GM2A: variants seen among roughly 807,000 people sequenced by gnomAD.
The protein encoded by GM2A is GM2 ganglioside activator.
In GM2A, 7 loss-of-function variants were observed where a neutral mutation model predicts 12.9. That is an observed-to-expected ratio of 0.54 (90% CI 0.31 to 1.02). The LOEUF (loss-of-function observed/expected upper bound fraction) is 1.02. Ranked by LOEUF, GM2A falls within the 50% of genes least tolerant of loss-of-function variation. The pLI, the probability that GM2A is intolerant of heterozygous loss-of-function variation, is 0.05. For synonymous variants in GM2A, 101 were observed against 96.0 expected (o/e 1.05, Z -0.30); for missense variants, 246 against 241.0 (o/e 1.02, Z -0.14).
intron 1 of GM2A, among the ~76,000 whole-genome samples, chr5:151,254,491 G>T (rs1753647182): frequency 6.6e-6 from 1 of 152,194 alleles, no homozygotes; most frequent in African/African-American, 2.4e-5. Context: ...GGGACTGCAG[G>T]TGTGGGCCAC....
At chr5:151,256,730 A>C (rs1241989776) in intron 1 of GM2A, among the ~76,000 whole-genome samples, 2 of 152,148 alleles carry the variant, frequency 1.3e-5, no homozygotes, top group Non-Finnish European at 2.9e-5. Flanking sequence ...CAACATTAGT[A>C]CATTACTGTT....
At chr5:151,254,029 C>G (rs1753638940) in intron 1 of GM2A, among the ~76,000 whole-genome samples, 1 of 152,136 alleles carries the variant, frequency 6.6e-6, no homozygotes, top group Non-Finnish European at 1.5e-5. Context: ...AAGATGTTCC[C>G]CCTTTTAAAG....
Position 151,262,808 on chromosome 5 carries a change from C to T in GM2A, c.243+2892C>T, listed in dbSNP as rs117618336. Among the ~76,000 whole-genome samples, 858 of 152,298 alleles carry T rather than the reference C, an allele frequency of 5.6e-3. 38 individuals carry two copies. In the East Asian group the frequency reaches 0.093, roughly 16 times the overall value. ...TCCTGGTAGGCCGTCCGCCATGCTC[C>T]CTCTGCTGCCATCACCATGCAGCCA... On this transcript the variant is annotated intron_variant, in intron 2 of 3. Coordinates refer to ENST00000357164, the MANE Select transcript of GM2A (RefSeq NM_000405.5).
At chr5:151,265,952 G>T (rs1284899295) in intron 2 of GM2A, among the ~76,000 whole-genome samples, 1 of 152,184 alleles carries the variant, frequency 6.6e-6, no homozygotes, top group Non-Finnish European at 1.5e-5. Flanking sequence ...TTCTGTGGCT[G>T]TACGGAGAAA....
rs1383444561 is a variant in GM2A, at chr5:151,267,520, A to G, written c.*69A>G. ...CCTTTTCCTCTGTTTTGTGTTTGCC[A>G]AGGCCAAACTCCCACTCTCTGCCCC... On this transcript the variant is annotated 3_prime_UTR_variant, in exon 4 of 4. Transcript: ENST00000357164. The G allele has an allele frequency of 6.2e-7, 1 of 1,607,398 alleles. No individual in the cohort carries two copies. Among genetic ancestry groups the G allele is most frequent in the Admixed American group, 1.7e-5 (1 of 58,962 alleles).
chr5:151,253,360 T>C, intron 1 of GM2A, 63 bp downstream of exon 1: 2 of 1,243,460 alleles, frequency 1.6e-6, no homozygotes, highest in South Asian at 1.2e-5. Context: ...GGTGTGCGGG[T>C]CTGGCTGAGA....
At chr5:151,264,219 C>A (rs774393820) in intron 2 of GM2A, among the ~76,000 whole-genome samples, 1 of 152,252 alleles carries the variant, frequency 6.6e-6, no homozygotes, top group Non-Finnish European at 1.5e-5. Flanking sequence ...ACCCTGCTTC[C>A]TTTTCTGAGT....
chr5:151,269,886 G>A lies in GM2A; in HGVS notation c.*2435G>A. On this transcript the variant is annotated 3_prime_UTR_variant, in exon 4 of 4. Coordinates refer to ENST00000357164, the MANE Select transcript of GM2A (RefSeq NM_000405.5). Reference sequence around the variant, plus strand: ...CTTTTTCAAACCTATACTGTTGTTGGTGAATTCTTTTTACCAACCCACGAG... The same window carrying A: ...CTTTTTCAAACCTATACTGTTGTTGATGAATTCTTTTTACCAACCCACGAG... 2 of 788,268 alleles carry A rather than the reference G, an allele frequency of 2.5e-6. No homozygotes were observed. The highest frequency in any genetic ancestry group is 6.3e-5 in the South Asian group (1 of 15,966). The allele number at this position is 788,268 out of a possible 1,614,324, so 48.8% of individuals were successfully genotyped here. A position where few individuals can be genotyped will look rare whatever the true frequency, so the allele number is the denominator to read the frequency against.
intron 1 of GM2A, among the ~76,000 whole-genome samples, chr5:151,254,696 C>T (rs1266816461): frequency 6.6e-6 from 1 of 152,192 alleles, no homozygotes; most frequent in Non-Finnish European, 1.5e-5. Context: ...CCTAGCCTAC[C>T]TTAAACATGC....
chr5:151,268,017 G>A lies in GM2A; in HGVS notation c.*566G>A, dbSNP rs1753928134. The A allele has an allele frequency of 2.9e-6, 3 of 1,051,298 alleles. No individual in the cohort carries two copies. The highest frequency in any genetic ancestry group is 3.4e-5 in the African/African-American group (2 of 58,992). The allele number at this position is 1,051,298 out of a possible 1,614,324, so 65.1% of individuals were successfully genotyped here. A position where few individuals can be genotyped will look rare whatever the true frequency, so the allele number is the denominator to read the frequency against. On this transcript the variant is annotated 3_prime_UTR_variant, in exon 4 of 4. Transcript: ENST00000357164. ...AGTGTATCCTGGAGAGGTAGGGTGT[G>A]TGGGGGAGGAATCCCTTGGGGGAGA...
intron 1 of GM2A, among the ~76,000 whole-genome samples, chr5:151,255,472 C>T (rs116350306): frequency 0.011 from 1,629 of 152,126 alleles, 29 homozygotes; most frequent in African/African-American, 0.037. Flanking sequence ...TAGGGGAAAG[C>T]GGGTGATACT....
At chr5:151,254,561 T>G (rs78878023) in intron 1 of GM2A, among the ~76,000 whole-genome samples, 1,610 of 152,348 alleles carry the variant, frequency 0.011, 27 homozygotes, top group African/African-American at 0.036. Context: ...CTATCGTCAG[T>G]AATGTATTAT....
intron 2 of GM2A, 34 bp from the exon 3 acceptor site, chr5:151,266,696 CT>C: frequency 1.9e-6 from 3 of 1,563,246 alleles, no homozygotes; most frequent in Non-Finnish European, 2.6e-6. Flanking sequence ...CACTTATAAC[CT>C]TTTTCAAACC....
chr5:151,269,909 G>A lies in GM2A; in HGVS notation c.*2458G>A, dbSNP rs1382999463. ...TGGTGAATTCTTTTTACCAACCCACGAGTTGACCACTTCCCAATGCCGGGG... is the reference window on the plus strand; with the variant it reads ...TGGTGAATTCTTTTTACCAACCCACAAGTTGACCACTTCCCAATGCCGGGG... On this transcript the variant is annotated 3_prime_UTR_variant, in exon 4 of 4. Transcript: ENST00000357164. 8.6e-6 allele frequency: 9 copies of A among 1,048,874 alleles called. No homozygotes were observed. Among genetic ancestry groups the A allele is most frequent in the Admixed American group, 9.3e-5 (2 of 21,528 alleles). 65.0% of individuals were successfully genotyped at this position (1,048,874 alleles called of 1,614,324 possible).
chr5:151,258,024 A>C (rs1231139614), intron 1 of GM2A, among the ~76,000 whole-genome samples: 1 of 152,222 alleles, frequency 6.6e-6, no homozygotes, highest in Non-Finnish European at 1.5e-5. Flanking sequence ...TTGCCACAGC[A>C]CTTAGCCCAG....
intron 2 of GM2A, among the ~76,000 whole-genome samples, chr5:151,260,988 T>C (rs1398228138): frequency 3.3e-5 from 3 of 91,528 alleles, no homozygotes; most frequent in Admixed American, 1.3e-4. Context: ...GCTCTACTTA[T>C]TCAATTTTTT....
chr5:151,259,592 T>G (rs1407673112), intron 1 of GM2A, among the ~76,000 whole-genome samples, 163 bp from the exon 2 acceptor site: 1 of 152,220 alleles, frequency 6.6e-6, no homozygotes, highest in African/African-American at 2.4e-5. Flanking sequence ...AGGATAAGTG[T>G]TATCCCAGCT....
chr5:151,253,291 GA>G lies in GM2A; in HGVS notation c.80del (p.Lys27SerfsTer21). ...TCGCGGCCCCTGCGCAAGCCCACCT[GA>G]AAAAGGTGAGTGCACCCTCTTTTAA... ...LLAAPAQAHL[K>X]KPSQLSSFSW... On this transcript the variant is annotated frameshift_variant, in exon 1 of 4. Coordinates refer to ENST00000357164, the MANE Select transcript of GM2A (RefSeq NM_000405.5). LOFTEE classifies it high-confidence loss of function. 1.9e-6 allele frequency: 3 copies of G among 1,610,542 alleles called. No individual in the cohort carries two copies. Among genetic ancestry groups the G allele is most frequent in the Non-Finnish European group, 2.5e-6 (3 of 1,177,042 alleles).
intron 1 of GM2A, among the ~76,000 whole-genome samples, chr5:151,257,148 C>T (rs1037239638): frequency 2.2e-4 from 33 of 152,150 alleles, no homozygotes; most frequent in Admixed American, 4.6e-4. Context: ...TCCCCTCCGT[C>T]TTGTACCACC....
Sources: gnomAD v4.1 joint callset for allele counts (sites outside exome capture counted in the v4.1 genomes callset) on GRCh38, gnomAD v4.1.1 for gene constraint, MANE v1.5 for transcripts, NCBI Gene and HGNC (gene_info 2026-07-23, HGNC 2026-07-21) for gene names.